METTL15: variants seen among roughly 807,000 people sequenced by gnomAD.
METTL15 encodes the protein 12S rRNA N(4)-cytidine methyltransferase METTL15.
In METTL15, 34 loss-of-function variants were observed where a neutral mutation model predicts 38.3. That is an observed-to-expected ratio of 0.89 (90% CI 0.68 to 1.18). METTL15 has a LOEUF of 1.18. Among genes scored for constraint, METTL15 ranks in the 50% most tolerant of loss-of-function variants. The pLI is 0.00. For missense variants in METTL15, 438 were observed against 498.4 expected, an observed-to-expected ratio of 0.88 and a Z score of 1.15; for synonymous variants, 162 against 170.9, an observed-to-expected ratio of 0.95 and a Z score of 0.41.
intron 6 of METTL15, among the ~76,000 whole-genome samples, chr11:28,436,016 T>C (rs924129053): frequency 1.3e-5 from 2 of 152,148 alleles, no homozygotes; most frequent in Admixed American, 1.3e-4. Context: ...ATTTAGAATA[T>C]ATCTTTCTTG....
chr11:28,487,285 T>C (rs1851446801), intron 6 of METTL15, among the ~76,000 whole-genome samples: 1 of 152,110 alleles, frequency 6.6e-6, no homozygotes, highest in African/African-American at 2.4e-5. Flanking sequence ...ATTGTGAAAA[T>C]TGAAATAACT....
intron 6 of METTL15, among the ~76,000 whole-genome samples, chr11:28,321,663 C>A (rs925360086): frequency 5.3e-5 from 8 of 151,896 alleles, no homozygotes; most frequent in African/African-American, 1.9e-4. Flanking sequence ...TACTTTGATT[C>A]TAAATTTAAT....
chr11:28,236,227 T>G (rs1853962035), intron 4 of METTL15, among the ~76,000 whole-genome samples: 1 of 152,126 alleles, frequency 6.6e-6, no homozygotes, highest in Admixed American at 6.5e-5. Flanking sequence ...TATTGAGGAT[T>G]TTTGCATCAA....
At chr11:28,462,247 T>G (rs941910917) in intron 6 of METTL15, among the ~76,000 whole-genome samples, 1 of 151,946 alleles carries the variant, frequency 6.6e-6, no homozygotes, top group Non-Finnish European at 1.5e-5. Context: ...AAGGGTGTTA[T>G]GGGAATAAGG....
intron 4 of METTL15, among the ~76,000 whole-genome samples, chr11:28,237,208 G>T (rs553977484): frequency 6.6e-6 from 1 of 152,214 alleles, no homozygotes; most frequent in East Asian, 1.9e-4. Flanking sequence ...TTCCAACTTG[G>T]TTCCATTCTC....
chr11:28,485,747 G>A (rs758084386), intron 6 of METTL15, among the ~76,000 whole-genome samples: 3 of 152,122 alleles, frequency 2.0e-5, no homozygotes, highest in Non-Finnish European at 2.9e-5. Context: ...AACAAAATAC[G>A]TACTGGGTGG....
intron 6 of METTL15, among the ~76,000 whole-genome samples, chr11:28,483,401 C>T (rs886172351): frequency 1.3e-5 from 2 of 152,200 alleles, no homozygotes; most frequent in South Asian, 2.1e-4. Flanking sequence ...AGACCAATAA[C>T]TTTGGAGGCT....
At chr11:28,141,965 T>A (rs1465330877) in intron 3 of METTL15, among the ~76,000 whole-genome samples, 1 of 152,204 alleles carries the variant, frequency 6.6e-6, no homozygotes, top group Admixed American at 6.5e-5. Context: ...TAGCTTGGCC[T>A]ACACGGAGGA....
At chr11:28,413,417 A>T (rs976414509) in intron 5 of METTL15, among the ~76,000 whole-genome samples, 1 of 152,202 alleles carries the variant, frequency 6.6e-6, no homozygotes, top group African/African-American at 2.4e-5. Flanking sequence ...AAAAAGATTT[A>T]TATTCGTTTC....
At chr11:28,485,463 A>G (rs958594271) in intron 6 of METTL15, among the ~76,000 whole-genome samples, 10 of 152,150 alleles carry the variant, frequency 6.6e-5, no homozygotes, top group Admixed American at 4.6e-4. Context: ...AGAAGAGGAA[A>G]CATTCAGAAA....
chr11:28,219,992 A>G lies in METTL15; in HGVS notation c.407+8794A>G, dbSNP rs529359460. On this transcript the variant is annotated intron_variant, in intron 4 of 6. Coordinates refer to ENST00000407364, the MANE Select transcript of METTL15 (RefSeq NM_001113528.2). ...TGCTTTATTTCCAACTATGTGGTCAATTTTGGAATAAGTGCGATGTGGTGC... is the reference window on the plus strand; with the variant it reads ...TGCTTTATTTCCAACTATGTGGTCAGTTTTGGAATAAGTGCGATGTGGTGC... 6.8e-4 allele frequency among the ~76,000 whole-genome samples: 103 copies of G among 152,238 alleles called. No individual in the cohort carries two copies. The Middle Eastern group carries it at 0.014, about 20-fold the overall frequency.
At chr11:28,444,107 C>T (rs2133442740) in intron 6 of METTL15, among the ~76,000 whole-genome samples, 1 of 152,202 alleles carries the variant, frequency 6.6e-6, no homozygotes, top group South Asian at 2.1e-4. Flanking sequence ...AACTCATTAT[C>T]ATTGGACATT....
At chr11:28,173,801 C>T (rs960874995) in intron 3 of METTL15, among the ~76,000 whole-genome samples, 19 of 152,110 alleles carry the variant, frequency 1.2e-4, no homozygotes, top group Admixed American at 1.1e-3. Context: ...TGAAGACCTT[C>T]GTGGTTTTGA....
At position 28,445,382 on chromosome 11, in the gene METTL15, T is replaced by A. The variant is rs11030337; in HGVS notation, c.*424+21018T>A. On this transcript the variant is annotated intron_variant and NMD_transcript_variant, in intron 6 of 7. Coordinates refer to the METTL15 transcript ENST00000532947. Reference sequence around the variant, plus strand: ...TACTACTTAATGCCTTAGTTTCTTTTTTAAGAAGAAAGATTTTCTCCTATA... The same window carrying A: ...TACTACTTAATGCCTTAGTTTCTTTATTAAGAAGAAAGATTTTCTCCTATA... Among the ~76,000 whole-genome samples the A allele has an allele frequency of 7.7e-3, 1,169 of 152,262 alleles. 52 individuals carry two copies. In the East Asian group the frequency reaches 0.14, roughly 18 times the overall value.
chr11:28,234,168 T>C (rs1012040368), intron 4 of METTL15, among the ~76,000 whole-genome samples: 164 of 152,296 alleles, frequency 1.1e-3, no homozygotes, highest in African/African-American at 2.2e-3. Flanking sequence ...TATTCCATGG[T>C]GTATATGTGC....
intron 5 of METTL15, among the ~76,000 whole-genome samples, chr11:28,400,527 T>C (rs892499958): frequency 2.6e-5 from 4 of 151,928 alleles, no homozygotes; most frequent in African/African-American, 9.7e-5. Flanking sequence ...TGTGGATAAA[T>C]TGAGAAACAG....
At chr11:28,126,851 T>A (rs983241226) in intron 3 of METTL15, among the ~76,000 whole-genome samples, 1 of 151,682 alleles carries the variant, frequency 6.6e-6, no homozygotes, top group African/African-American at 2.4e-5. Flanking sequence ...CATGAAAGAG[T>A]ATATAGTGCT....
chr11:28,371,173 T>C (rs1850239562), intron 5 of METTL15, among the ~76,000 whole-genome samples: 1 of 152,030 alleles, frequency 6.6e-6, no homozygotes, highest in Admixed American at 6.6e-5. Flanking sequence ...AATGGTTTCA[T>C]AGTTGTGAGT....
intron 6 of METTL15, among the ~76,000 whole-genome samples, chr11:28,464,066 G>A (rs548634713): frequency 1.1e-3 from 169 of 152,244 alleles, no homozygotes; most frequent in Non-Finnish European, 2.0e-3. Flanking sequence ...TCTCAGCAAA[G>A]TTGAATCGTG....
Sources: allele counts gnomAD v4.1 joint callset (sites outside exome capture counted in the v4.1 genomes callset), GRCh38; gene constraint gnomAD v4.1.1; transcripts MANE v1.5; gene names NCBI Gene and HGNC (gene_info 2026-07-23, HGNC 2026-07-21).